Variants in ADCYAP1R1 observed in about 807,000 individuals in gnomAD.
The protein encoded by ADCYAP1R1 is pituitary adenylate cyclase-activating polypeptide type I receptor.
In ADCYAP1R1, 44 loss-of-function variants were observed where a neutral mutation model predicts 67.6. The ratio of observed to expected loss-of-function variants is 0.65; its 90% CI spans 0.51 to 0.84. The LOEUF (loss-of-function observed/expected upper bound fraction) is 0.84. ADCYAP1R1 is among the 40% of genes least tolerant of loss of function. The probability of loss-of-function intolerance (pLI) is 0.00; values close to 1 mark genes in which losing one functional copy is unlikely to be tolerated. For missense variants in ADCYAP1R1, 477 were observed against 587.9 expected (o/e 0.81, Z 1.95); for synonymous variants, 222 against 219.6 (o/e 1.01, Z -0.10).
intron 6 of ADCYAP1R1, among the ~76,000 whole-genome samples, chr7:31,082,710 T>C (rs1457395454): frequency 6.6e-6 from 1 of 152,190 alleles, no homozygotes; most frequent in African/African-American, 2.4e-5. Context: ...CAGTTTGGCA[T>C]CAGCTGTGGG....
intron 14 of ADCYAP1R1, 94 bp from the exon 15 acceptor site, chr7:31,104,774 A>G (rs540977032): frequency 7.1e-7 from 1 of 1,405,952 alleles, no homozygotes; most frequent in African/African-American, 1.4e-5. Flanking sequence ...GTCATGGTGT[A>G]TTTCTGCTTC....
At chr7:31,088,450 T>G (rs1233377497) in intron 12 of ADCYAP1R1, among the ~76,000 whole-genome samples, 1 of 152,218 alleles carries the variant, frequency 6.6e-6, no homozygotes, top group South Asian at 2.1e-4. Flanking sequence ...ATAAAAATAT[T>G]GTTCTTGTTT....
rs1796738096 is a variant in ADCYAP1R1, at chr7:31,108,669, G to T, written c.*1985G>T. The T allele has an allele frequency of 6.6e-6, 1 of 152,154 alleles. No individual in the cohort carries two copies. Among genetic ancestry groups the T allele is most frequent in the African/African-American group, 2.4e-5 (1 of 41,400 alleles). 9.4% of individuals were successfully genotyped at this position (152,154 alleles called of 1,614,324 possible). A position where few individuals can be genotyped will look rare whatever the true frequency, so the allele number is the denominator to read the frequency against. ...ATGCTTCTCTAGGCCCTGCACGTAA[G>T]TGATTTTTCCAGTTCAAAGTCAAGA... On this transcript the variant is annotated 3_prime_UTR_variant, in exon 16 of 16. Coordinates refer to ENST00000304166, the MANE Select transcript of ADCYAP1R1 (RefSeq NM_001118.5).
Position 31,074,956 on chromosome 7 carries a change from G to C in ADCYAP1R1, c.158-3035G>C, listed in dbSNP as rs549180412. On this transcript the variant is annotated intron_variant, in intron 3 of 15. Coordinates refer to ENST00000304166, the MANE Select transcript of ADCYAP1R1 (RefSeq NM_001118.5). ...ACTGGGTGCGAACTCCAAAATAGCC[G>C]GGTGTGAATTCTGAGAGACAGGATT... Among the ~76,000 whole-genome samples, 12 of 152,312 alleles carry C rather than the reference G, an allele frequency of 7.9e-5. No homozygotes were observed. The East Asian group carries it at 2.3e-3, about 29-fold the overall frequency.
chr7:31,091,364 T>G (rs1039146414), intron 12 of ADCYAP1R1, among the ~76,000 whole-genome samples: 4 of 152,230 alleles, frequency 2.6e-5, no homozygotes, highest in African/African-American at 9.6e-5. Flanking sequence ...ATTCTGTAGG[T>G]TGTCTGTTTG....
Position 31,085,436 on chromosome 7 carries a change from C to T in ADCYAP1R1, c.663C>T (p.Ile221=). The T allele has an allele frequency of 6.2e-7, 1 of 1,612,772 alleles. No homozygotes were observed. Among genetic ancestry groups the T allele is most frequent in the South Asian group, 1.1e-5 (1 of 90,958 alleles). Residue 221 remains isoleucine, a synonymous_variant, in exon 9 of 16, where the codon ATC becomes ATT. Coordinates refer to ENST00000304166, the MANE Select transcript of ADCYAP1R1 (RefSeq NM_001118.5). The stretch of plus-strand genomic sequence containing the variant: ...AGCAGGACAGCAACCACTGCTTCAT[C>T]TCCACTGTGAGTGAGCCAAGCAGAC... ...YAEQDSNHCF[I]STVECKAVMV...
At chr7:31,099,815 T>G (rs531075736) in intron 13 of ADCYAP1R1, among the ~76,000 whole-genome samples, 1 of 152,238 alleles carries the variant, frequency 6.6e-6, no homozygotes, top group South Asian at 2.1e-4. Flanking sequence ...TCTGGCTCCC[T>G]GTGTGAGACC....
intron 1 of ADCYAP1R1, among the ~76,000 whole-genome samples, chr7:31,061,840 G>A (rs931992530): frequency 1.3e-5 from 2 of 152,188 alleles, no homozygotes; most frequent in African/African-American, 2.4e-5. Context: ...GCTGGTGGGG[G>A]GGTGTGCGAA....
chr7:31,067,991 C>T (rs1794812421), intron 3 of ADCYAP1R1, among the ~76,000 whole-genome samples: 3 of 152,148 alleles, frequency 2.0e-5, no homozygotes, highest in African/African-American at 7.2e-5. Flanking sequence ...CCACTTGGAA[C>T]AATCCTGGAA....
intron 4 of ADCYAP1R1, among the ~76,000 whole-genome samples, chr7:31,079,012 C>T (rs750429793): frequency 7.9e-5 from 12 of 152,088 alleles, no homozygotes; most frequent in African/African-American, 1.4e-4. Flanking sequence ...TAGAGCAGCC[C>T]GTGAGTGGGC....
Position 31,109,900 on chromosome 7 carries a change from T to TC in ADCYAP1R1, c.*3219dup, listed in dbSNP as rs1446536085. 6.6e-6 allele frequency: 1 copy of TC among 152,114 alleles called. No individual in the cohort carries two copies. Among genetic ancestry groups the TC allele is most frequent in the African/African-American group, 2.4e-5 (1 of 41,364 alleles). 9.4% of individuals were successfully genotyped at this position (152,114 alleles called of 1,614,324 possible). ...ACTTAAGTCCAAGTCACATTGTCTA[T>TC]CCCAGTGTGTAGCTCTGTCACCCTG... On this transcript the variant is annotated 3_prime_UTR_variant, in exon 16 of 16. Coordinates refer to ENST00000304166, the MANE Select transcript of ADCYAP1R1 (RefSeq NM_001118.5).
chr7:31,055,009 T>C (rs575724745), intron 1 of ADCYAP1R1, among the ~76,000 whole-genome samples: 1 of 152,294 alleles, frequency 6.6e-6, no homozygotes, highest in African/African-American at 2.4e-5. Context: ...CCTGGCAAGA[T>C]GGAGACTGGA....
At chr7:31,068,215 G>GCGCACACA (rs35207713) in intron 3 of ADCYAP1R1, among the ~76,000 whole-genome samples, 7,578 of 149,850 alleles carry the variant, frequency 0.051, 243 homozygotes, top group Middle Eastern at 0.1. Context: ...ATGTGCGCGC[G>GCGCACACA]CACACACACA....
intron 12 of ADCYAP1R1, among the ~76,000 whole-genome samples, chr7:31,089,946 A>G (rs1337949759): frequency 6.6e-6 from 1 of 152,168 alleles, no homozygotes; most frequent in Non-Finnish European, 1.5e-5. Flanking sequence ...CTATGGTCTT[A>G]GGTACACGTG....
At chr7:31,105,962 C>T (rs973502874) in intron 15 of ADCYAP1R1, among the ~76,000 whole-genome samples, 2 of 152,186 alleles carry the variant, frequency 1.3e-5, no homozygotes, top group Non-Finnish European at 2.9e-5. Flanking sequence ...TGTGTGTTTT[C>T]CCAGAGGGGT....
intron 4 of ADCYAP1R1, 98 bp downstream of exon 4, chr7:31,078,196 C>A: frequency 1.2e-6 from 1 of 862,062 alleles, no homozygotes; most frequent in Non-Finnish European, 1.8e-6. Flanking sequence ...ACCCTGTGGG[C>A]AGACAGTCCC....
At chr7:31,064,319 A>C (rs1794638337) in intron 2 of ADCYAP1R1, among the ~76,000 whole-genome samples, 1 of 152,202 alleles carries the variant, frequency 6.6e-6, no homozygotes, top group Admixed American at 6.5e-5. Flanking sequence ...TTTCTCCTCT[A>C]AACTGCAGTA....
chr7:31,066,466 T>C (rs547099758), intron 3 of ADCYAP1R1, among the ~76,000 whole-genome samples: 50 of 152,110 alleles, frequency 3.3e-4, no homozygotes, highest in Non-Finnish European at 5.0e-4. Flanking sequence ...GGGAGATGGA[T>C]GCCAGGCTGG....
chr7:31,079,505 G>T (rs1795425644), intron 4 of ADCYAP1R1, among the ~76,000 whole-genome samples: 1 of 152,222 alleles, frequency 6.6e-6, no homozygotes, highest in African/African-American at 2.4e-5. Context: ...GAGTTTCCAG[G>T]CTCCACTCCA....
Sources: gnomAD v4.1 joint callset for allele counts (sites outside exome capture counted in the v4.1 genomes callset) on GRCh38, gnomAD v4.1.1 for gene constraint, MANE v1.5 for transcripts, NCBI Gene and HGNC (gene_info 2026-07-23, HGNC 2026-07-21) for gene names.